Variants in BTN3A1 observed in about 807,000 individuals in gnomAD.
BTN3A1 encodes dJ45P21.3 (butyrophilin, subfamily 3, member A1).
A neutral mutation model predicts 43.0 loss-of-function variants in BTN3A1; 24 were observed. The observed-to-expected ratio is 0.56, with a 90% CI of 0.40 to 0.78. The LOEUF (loss-of-function observed/expected upper bound fraction) is 0.78. Among genes scored for constraint, BTN3A1 ranks in the 30% least tolerant of loss-of-function variants. The pLI is 0.00. For missense variants in BTN3A1, 533 were observed against 626.2 expected (o/e 0.85, Z 1.59); for synonymous variants, 181 against 234.7 (o/e 0.77, Z 2.09).
At chr6:26,412,928 G>T in intron 9 of BTN3A1, 1 of 1,461,610 alleles carries the variant, frequency 6.8e-7, no homozygotes, top group Non-Finnish European at 9.0e-7. Flanking sequence ...TCAGGGTATT[G>T]GGTTAGGCAG....
chr6:26,413,322 T>C lies in BTN3A1; in HGVS notation c.1172T>C (p.Ile391Thr), dbSNP rs761439687. The C allele has an allele frequency of 1.9e-6, 3 of 1,614,106 alleles. No individual in the cohort carries two copies. Among genetic ancestry groups the C allele is most frequent in the Non-Finnish European group, 2.5e-6 (3 of 1,180,016 alleles). The change falls in exon 10 of 10, where the codon ATA becomes ACA. Residue 391 changes from isoleucine to threonine, a missense_variant. Physicochemically the swap from Ile to Thr is moderately conservative, Grantham distance 89. Transcript: ENST00000289361. ...HYCVLGCESF[I>T]SGRHYWEVEV... The stretch of plus-strand genomic sequence containing the variant: ...TGTGTTCTCGGCTGTGAGAGCTTCA[T>C]ATCAGGGAGACATTACTGGGAGGTG...
At chr6:26,412,543 G>A in intron 9 of BTN3A1, 1 of 1,549,474 alleles carries the variant, frequency 6.5e-7, no homozygotes, top group Non-Finnish European at 8.7e-7. Context: ...GGTGGAGAGT[G>A]AATCTAGGGC....
chr6:26,411,036 G>A (rs369892568), intron 7 of BTN3A1, 73 bp from the exon 8 acceptor site: 5 of 873,710 alleles, frequency 5.7e-6, no homozygotes, highest in African/African-American at 4.0e-5. Context: ...TTAGATGGAT[G>A]TAAAGTTAAG....
intron 4 of BTN3A1, among the ~76,000 whole-genome samples, chr6:26,408,508 C>T (rs968622210): frequency 6.6e-6 from 1 of 152,190 alleles, no homozygotes; most frequent in Non-Finnish European, 1.5e-5. Context: ...GCTGTGACTC[C>T]TAGGCATCTG....
At position 26,405,581 on chromosome 6, in the gene BTN3A1, C is replaced by T; in HGVS notation, c.18C>T (p.Phe6=). MKMAS[F]LAFLLLNFRV... ...CAGCATGAATGAAAATGGCAAGTTTCCTGGCCTTCCTTCTGCTCAACTTTC... is the reference window on the plus strand; with the variant it reads ...CAGCATGAATGAAAATGGCAAGTTTTCTGGCCTTCCTTCTGCTCAACTTTC... Residue 6 remains phenylalanine, a synonymous_variant, in exon 2 of 10, where the codon TTC becomes TTT. Coordinates refer to ENST00000289361, the MANE Select transcript of BTN3A1 (RefSeq NM_007048.6). 1 of 1,614,142 alleles carries T rather than the reference C, an allele frequency of 6.2e-7. No individual in the cohort carries two copies. Among genetic ancestry groups the T allele is most frequent in the South Asian group, 1.1e-5 (1 of 91,070 alleles).
intron 4 of BTN3A1, among the ~76,000 whole-genome samples, chr6:26,408,640 G>A (rs1165755937): frequency 6.6e-6 from 1 of 152,194 alleles, no homozygotes; most frequent in African/African-American, 2.4e-5. Context: ...TTATTTGGTA[G>A]ATAAGCTTGC....
In BTN3A1 at chr6:26,409,737, G is replaced by A. The variant is rs775980777; in HGVS notation, c.916+4G>A. On this transcript the variant is annotated splice_donor_region_variant and intron_variant, in intron 5 of 9. Coordinates refer to ENST00000289361, the MANE Select transcript of BTN3A1 (RefSeq NM_007048.6). ...AAGCAAGAACAAAGCACAAGAGGTA[G>A]CTGACCTTGGGAGTTTATCTGAGCC... The A allele has an allele frequency of 2.5e-6, 4 of 1,571,680 alleles. No homozygotes were observed. The Admixed American group carries it at 5.6e-5, about 22-fold the overall frequency.
intron 8 of BTN3A1, 89 bp downstream of exon 8, chr6:26,411,224 A>C: frequency 5.4e-6 from 8 of 1,471,160 alleles, no homozygotes; most frequent in Non-Finnish European, 7.4e-6. Context: ...TGATGTTCTC[A>C]TTTGCATGAA....
chr6:26,405,936 G>A lies in BTN3A1; in HGVS notation c.113G>A (p.Gly38Glu). 9.9e-6 allele frequency: 16 copies of A among 1,613,476 alleles called. No homozygotes were observed. The highest frequency in any genetic ancestry group is 1.1e-5 in the Non-Finnish European group (13 of 1,179,656). Residue 38 changes from glycine (G) to glutamate (E), a missense_variant, in exon 3 of 10, where the codon GGG (glycine) becomes GAG (glutamate). By Grantham distance (98) the Gly-to-Glu change is moderately conservative. Around this residue, in one of 4 missense-constraint regions of BTN3A1, gnomAD observed 56 missense variants for 67.1 expected, o/e 0.83. Transcript: ENST00000289361. ...SAQFSVLGPS[G>E]PILAMVGEDA... is the part of the protein sequence containing the mutation. ...CAGTTTTCTGTGCTTGGACCCTCTG[G>A]GCCCATCCTGGCCATGGTGGGTGAA...
chr6:26,410,026 G>A lies in BTN3A1; in HGVS notation c.958G>A (p.Ala320Thr). 6.2e-7 allele frequency: 1 copy of A among 1,614,056 alleles called. No homozygotes were observed. The highest frequency in any genetic ancestry group is 8.5e-7 in the Non-Finnish European group (1 of 1,180,016). ...TGCAGGATGGAGAAGTATCCAGTAT[G>A]CATCTCGTAAGTGCCTCTGACATTT... ...EELRWRSIQYASRGERHSAYN... is the reference protein window; with the variant it reads ...EELRWRSIQYTSRGERHSAYN... The change falls in exon 7 of 10, where the codon GCA becomes ACA. Residue 320 changes from alanine (A) to threonine (T), a missense_variant. Around this residue, in one of 4 missense-constraint regions of BTN3A1, gnomAD observed 415 missense variants for 427.0 expected, o/e 0.97. Transcript: ENST00000289361.
chr6:26,413,728 G>A lies in BTN3A1; in HGVS notation c.*36G>A, dbSNP rs775105670. On this transcript the variant is annotated 3_prime_UTR_variant, in exon 10 of 10. Transcript: ENST00000289361. ...AGAGTTCCTCCAATTCTGACCGAGT[G>A]CTGATCATTCCCTAGAGACACCAGT... 6 of 1,609,128 alleles carry A rather than the reference G, an allele frequency of 3.7e-6. No homozygotes were observed. In the Admixed American group the frequency reaches 5.0e-5, roughly 13 times the overall value.
chr6:26,413,772 C>T lies in BTN3A1; in HGVS notation c.*80C>T, dbSNP rs986855341. ...CACCAGTAACCCCGGGCTTAGCTAA[C>T]GAAAGTGGGGAGCCTCAGGCTGAAG... On this transcript the variant is annotated 3_prime_UTR_variant, in exon 10 of 10. Coordinates refer to ENST00000289361, the MANE Select transcript of BTN3A1 (RefSeq NM_007048.6). 1.6e-5 allele frequency: 25 copies of T among 1,602,840 alleles called. No homozygotes were observed. The highest frequency in any genetic ancestry group is 2.7e-5 in the African/African-American group (2 of 74,918).
chr6:26,405,554 T>G lies in BTN3A1; in HGVS notation c.-10T>G, dbSNP rs776073206. On this transcript the variant is annotated 5_prime_UTR_variant, in exon 2 of 10. The change abolishes an upstream ATG in the 5' untranslated region. Transcript: ENST00000289361. ...CCCCACCTTCCAGTATCTCCTGATA[T>G]GCAGCATGAATGAAAATGGCAAGTT... is the stretch of plus-strand genomic sequence containing the variant. 1.2e-6 allele frequency: 2 copies of G among 1,613,838 alleles called. No individual in the cohort carries two copies. Among genetic ancestry groups the G allele is most frequent in the Admixed American group, 3.3e-5 (2 of 60,000 alleles).
intron 9 of BTN3A1, chr6:26,412,751 A>G: frequency 6.4e-7 from 1 of 1,551,456 alleles, no homozygotes. Flanking sequence ...AATAAATTGG[A>G]TGTATGGAAA....
intron 4 of BTN3A1, 55 bp from the exon 5 acceptor site, chr6:26,409,478 G>T (rs1762129684): frequency 6.4e-7 from 1 of 1,560,990 alleles, no homozygotes; most frequent in Non-Finnish European, 8.8e-7. Context: ...GGGCGCTGCA[G>T]TCTGGGGAGG....
Position 26,409,572 on chromosome 6 carries a change from T to TGGCAGGGCGCCGCCCA in BTN3A1, c.762_763insCGCCGCCCAGGCAGGG (p.Thr255ArgfsTer81), listed in dbSNP as rs1762134694. 1 of 1,613,344 alleles carries TGGCAGGGCGCCGCCCA rather than the reference T, an allele frequency of 6.2e-7. No individual in the cohort carries two copies. ...AGCGCCCAGAGGTGGATCGCCGCCCTGGCAGGGACCCTGCCTGTCTTGCTG... is the reference window on the plus strand; with the variant it reads ...AGCGCCCAGAGGTGGATCGCCGCCCTGGCAGGGCGCCGCCCAGGCAGGGACCCTGCCTGTCTTGCTG... On this transcript the variant is annotated frameshift_variant, in exon 5 of 10. Transcript: ENST00000289361. LOFTEE classifies it high-confidence loss of function.
At position 26,414,572 on chromosome 6, in the gene BTN3A1, G is replaced by C. The variant is rs931294899; in HGVS notation, c.*880G>C. 6.6e-6 allele frequency: 1 copy of C among 152,210 alleles called. No individual in the cohort carries two copies. Among genetic ancestry groups the C allele is most frequent in the East Asian group, 1.9e-4 (1 of 5,196 alleles). The allele number at this position is 152,210 out of a possible 1,614,324, so 9.4% of individuals were successfully genotyped here. The stretch of plus-strand genomic sequence containing the variant: ...GTGTTCCACCCAACAAATGTGATAA[G>C]TGATCATGCAGCCAGAGCCAGCCTT... On this transcript the variant is annotated 3_prime_UTR_variant, in exon 10 of 10. Coordinates refer to ENST00000289361, the MANE Select transcript of BTN3A1 (RefSeq NM_007048.6).
chr6:26,410,434 G>A (rs897112195), intron 7 of BTN3A1, among the ~76,000 whole-genome samples: 4 of 151,992 alleles, frequency 2.6e-5, no homozygotes, highest in Non-Finnish European at 4.4e-5. Flanking sequence ...CATTCTCTAT[G>A]GCAGGAACTT....
rs72500815 is a variant in BTN3A1, at chr6:26,411,368, G to C, written c.992-187G>C. ...CTTGCAGCCTGTACCCTTCATTGCA[G>C]AGGGAACAGAGCTCACCATTTTTGA... On this transcript the variant is annotated intron_variant, in intron 8 of 9. Transcript: ENST00000289361. Among the ~76,000 whole-genome samples the C allele has an allele frequency of 6.2e-3, 940 of 152,258 alleles. 11 individuals are homozygous for C. Among genetic ancestry groups the C allele is most frequent in the East Asian group, 0.041 (210 of 5,178 alleles).
Sources: gnomAD v4.1 joint callset for allele counts (sites outside exome capture counted in the v4.1 genomes callset) on GRCh38, gnomAD v4.1.1 for gene constraint, gnomAD v4.1.1 regional missense constraint, MANE v1.5 for transcripts, NCBI Gene and HGNC (gene_info 2026-07-23, HGNC 2026-07-21) for gene names.